The following COA1 variants were observed in gnomAD, a reference collection of about 807,000 sequenced individuals.
The protein encoded by COA1 is cytochrome c oxidase assembly factor 1 homolog.
A neutral mutation model predicts 16.0 loss-of-function variants in COA1; 13 were observed. The observed-to-expected ratio is 0.81, with a 90% CI of 0.53 to 1.29. The LOEUF is 1.29. Ranked by LOEUF, COA1 falls within the 50% of genes most tolerant of loss-of-function variation. The pLI is 0.00. For synonymous variants in COA1, 65 were observed against 65.7 expected, an observed-to-expected ratio of 0.99 and a Z score of 0.05; for missense variants, 179 against 177.0, an observed-to-expected ratio of 1.01 and a Z score of -0.06.
At chr7:43,660,315 G>A (rs1367919897) in intron 1 of COA1, among the ~76,000 whole-genome samples, 1 of 152,014 alleles carries the variant, frequency 6.6e-6, no homozygotes, top group Non-Finnish European at 1.5e-5. Flanking sequence ...CCCCATGTGA[G>A]CTCCTGCCCT....
chr7:43,725,796 T>G (rs1011674541), intron 1 of COA1, among the ~76,000 whole-genome samples: 2 of 151,704 alleles, frequency 1.3e-5, no homozygotes, highest in African/African-American at 4.8e-5. Flanking sequence ...GAGGCGGAGG[T>G]TGCAGTAAGC....
chr7:43,631,697 TC>T (rs2085188338), intron 6 of COA1: 1 of 152,220 alleles, frequency 6.6e-6, no homozygotes, highest in South Asian at 2.1e-4. Flanking sequence ...CAGAAGTCTG[TC>T]CTATCATGGA....
rs1785921091 is a variant in COA1, at chr7:43,647,563, GC to G, written c.86del (p.Gly29AlafsTer61). ...ILFHGVFYAG[G>X]FAIVYYLIQK... ...GAATGAGGTAATACACAATGGCAAA[GC>G]CCCCGGCATAGAACACACCGTGGAA... On this transcript the variant is annotated frameshift_variant, in exon 3 of 6. Transcript: ENST00000223336. LOFTEE classifies it high-confidence loss of function. 1.2e-6 allele frequency: 2 copies of G among 1,613,950 alleles called. No homozygotes were observed. The highest frequency in any genetic ancestry group is 1.3e-5 in the African/African-American group (1 of 75,052).
At chr7:43,609,115 G>A (rs1455144373) in exon 7 of COA1, 1 of 152,250 alleles carries the variant, frequency 6.6e-6, no homozygotes, top group Non-Finnish European at 1.5e-5. Flanking sequence ...TCTAGCTTCA[G>A]TTATGACAGT....
chr7:43,616,757 C>T (rs889296908), intron 6 of COA1, among the ~76,000 whole-genome samples: 12 of 151,794 alleles, frequency 7.9e-5, no homozygotes, highest in African/African-American at 2.9e-4. Flanking sequence ...ATTAGCCGGG[C>T]GTGGTGGCGG....
At chr7:43,667,344 C>CA (rs1175955029) in intron 1 of COA1, among the ~76,000 whole-genome samples, 1 of 152,144 alleles carries the variant, frequency 6.6e-6, no homozygotes, top group Non-Finnish European at 1.5e-5. Context: ...GATTATTTGA[C>CA]ATGTTTAGTC....
chr7:43,647,708 C>G, intron 2 of COA1, 74 bp from the exon 3 acceptor site: 1 of 1,136,226 alleles, frequency 8.8e-7, no homozygotes, highest in Admixed American at 2.0e-5. Context: ...GGCTTGGACC[C>G]CTAAAGGAAA....
Position 43,614,100 on chromosome 7 carries a change from C to T in COA1, c.*134-4605G>A, listed in dbSNP as rs572337921. 2.6e-5 allele frequency among the ~76,000 whole-genome samples: 4 copies of T among 152,240 alleles called. No individual in the cohort carries two copies. The East Asian group carries it at 7.7e-4, about 29-fold the overall frequency. On this transcript the variant is annotated intron_variant and NMD_transcript_variant, in intron 6 of 6. Transcript: ENST00000415076. ...GATAAAATGTTCCTTAAAACCCTGC[C>T]CATGACACCCTAAGCCTTATTGAGC...
At chr7:43,708,159 A>T (rs1307098578) in intron 1 of COA1, among the ~76,000 whole-genome samples, 1 of 152,202 alleles carries the variant, frequency 6.6e-6, no homozygotes, top group Non-Finnish European at 1.5e-5. Flanking sequence ...AGCCAAGATC[A>T]CACCACTGCA....
intron 1 of COA1, chr7:43,658,576 C>G (rs1426077781): frequency 6.6e-6 from 1 of 152,178 alleles, no homozygotes; most frequent in African/African-American, 2.4e-5. Flanking sequence ...AAGGGTTGTT[C>G]TCCCTCTAAA....
intron 1 of COA1, among the ~76,000 whole-genome samples, chr7:43,680,398 A>C (rs2093714001): frequency 6.6e-6 from 1 of 152,220 alleles, no homozygotes; most frequent in Non-Finnish European, 1.5e-5. Context: ...GAGAAAAGAA[A>C]CACTTTATCA....
At chr7:43,614,504 A>T (rs2083170869) in intron 6 of COA1, among the ~76,000 whole-genome samples, 1 of 152,244 alleles carries the variant, frequency 6.6e-6, no homozygotes, top group Non-Finnish European at 1.5e-5. Context: ...GGAAGTAGAT[A>T]TATTTCACCA....
intron 6 of COA1, among the ~76,000 whole-genome samples, chr7:43,610,891 C>G (rs1274858336): frequency 6.6e-6 from 1 of 152,038 alleles, no homozygotes; most frequent in Non-Finnish European, 1.5e-5. Context: ...TCAAGGAGGG[C>G]AGATCGCTTG....
At chr7:43,699,381 TAC>T (rs1163746436) in intron 1 of COA1, among the ~76,000 whole-genome samples, 19 of 152,216 alleles carry the variant, frequency 1.2e-4, no homozygotes, top group Admixed American at 6.5e-5. Flanking sequence ...CTTTATTAAT[TAC>T]AGAGTTAATT....
chr7:43,646,468 G>A (rs1028148232), intron 3 of COA1: 2 of 436,596 alleles, frequency 4.6e-6, no homozygotes, highest in African/African-American at 2.0e-5. Flanking sequence ...TGCCCAGAAA[G>A]GTGACGGACT....
chr7:43,685,154 T>TAAA (rs35252235), intron 1 of COA1, among the ~76,000 whole-genome samples: 3 of 127,132 alleles, frequency 2.4e-5, no homozygotes, highest in Non-Finnish European at 3.3e-5. Flanking sequence ...TCCCATCTCT[T>TAAA]AAAAAAAAAA....
At chr7:43,711,549 G>T (rs2095248888) in intron 1 of COA1, 1 of 152,158 alleles carries the variant, frequency 6.6e-6, no homozygotes, top group Non-Finnish European at 1.5e-5. Flanking sequence ...ATTTTCACAT[G>T]TATCAAATAG....
At chr7:43,723,485 T>C (rs981874261) in intron 1 of COA1, among the ~76,000 whole-genome samples, 6 of 152,124 alleles carry the variant, frequency 3.9e-5, no homozygotes, top group Admixed American at 3.3e-4. Context: ...ACCAGGGTAA[T>C]TGCCAAAGCA....
chr7:43,663,906 T>C (rs1049236493), intron 1 of COA1, among the ~76,000 whole-genome samples: 3 of 151,394 alleles, frequency 2.0e-5, no homozygotes, highest in African/African-American at 7.3e-5. Context: ...AGCTCAGGAG[T>C]TTGAGACCAG....
Sources: gnomAD v4.1 joint callset for allele counts (sites outside exome capture counted in the v4.1 genomes callset) on GRCh38, gnomAD v4.1.1 for gene constraint, MANE v1.5 for transcripts, NCBI Gene and HGNC (gene_info 2026-07-23, HGNC 2026-07-21) for gene names.